AP4S1: variants seen among roughly 807,000 people sequenced by gnomAD.
AP4S1 encodes AP-4 complex subunit sigma-1.
A neutral mutation model predicts 19.8 loss-of-function variants in AP4S1; 23 were observed. That is an observed-to-expected ratio of 1.16 (90% confidence interval 0.84 to 1.65). The LOEUF (loss-of-function observed/expected upper bound fraction) is 1.65, where lower values mean the gene tolerates loss of function less well. Ranked by LOEUF, AP4S1 falls within the 40% of genes most tolerant of loss-of-function variation. AP4S1 has a pLI of 0.00. For missense variants in AP4S1, 166 were observed against 172.8 expected, an observed-to-expected ratio of 0.96 and a Z score of 0.22; for synonymous variants, 46 against 54.1, an observed-to-expected ratio of 0.85 and a Z score of 0.66.
chr14:31,048,369 T>TG (rs1411873555), intron 1 of AP4S1, among the ~76,000 whole-genome samples: 1 of 151,916 alleles, frequency 6.6e-6, no homozygotes, highest in African/African-American at 2.4e-5. Flanking sequence ...CCCAAAATGC[T>TG]GGGATTACAG....
chr14:31,046,120 A>G (rs926444009), intron 1 of AP4S1, among the ~76,000 whole-genome samples: 4 of 151,638 alleles, frequency 2.6e-5, no homozygotes, highest in Non-Finnish European at 5.9e-5. Context: ...ACCACGCCCA[A>G]CTAATTTTGT....
intron 1 of AP4S1, among the ~76,000 whole-genome samples, chr14:31,058,694 A>T (rs941081177): frequency 6.6e-6 from 1 of 150,566 alleles, no homozygotes; most frequent in African/African-American, 2.4e-5. Context: ...CAGCTTCCTA[A>T]GTAGCTGGGA....
intron 1 of AP4S1, among the ~76,000 whole-genome samples, chr14:31,052,728 C>CA (rs967926664): frequency 0.04 from 2,104 of 53,004 alleles, 35 homozygotes; most frequent in Middle Eastern, 0.052. Flanking sequence ...GACTCCCTCT[C>CA]AAAAAAAAAA....
chr14:31,073,438 C>G (rs1257874840), intron 4 of AP4S1, among the ~76,000 whole-genome samples: 1 of 139,458 alleles, frequency 7.2e-6, no homozygotes, highest in Non-Finnish European at 1.6e-5. Flanking sequence ...TGCAGTGAGC[C>G]GAGATCCCGC....
At chr14:31,033,998 T>C (rs1346543054) in intron 1 of AP4S1, among the ~76,000 whole-genome samples, 1 of 152,218 alleles carries the variant, frequency 6.6e-6, no homozygotes, top group Admixed American at 6.5e-5. Flanking sequence ...CTCCTGGACA[T>C]TGGCTAAGAA....
intron 1 of AP4S1, among the ~76,000 whole-genome samples, chr14:31,063,039 A>G (rs1393983532): frequency 6.6e-6 from 1 of 151,840 alleles, no homozygotes; most frequent in African/African-American, 2.4e-5. Context: ...GCTCATGCCT[A>G]TAATCCCAGC....
chr14:31,082,751 C>A (rs964147793), intron 5 of AP4S1, among the ~76,000 whole-genome samples: 1 of 152,092 alleles, frequency 6.6e-6, no homozygotes, highest in East Asian at 1.9e-4. Flanking sequence ...AAAAAATTAG[C>A]CGGGCGCGGT....
At chr14:31,092,598 C>G (rs1460723359) in intron 5 of AP4S1, among the ~76,000 whole-genome samples, 1 of 152,182 alleles carries the variant, frequency 6.6e-6, no homozygotes, top group Admixed American at 6.5e-5. Flanking sequence ...AGGTCATTCT[C>G]TTGCCACATG....
Position 31,046,941 on chromosome 14 carries a change from TG to T in AP4S1, c.-71-19183del, listed in dbSNP as rs201168525. Among the ~76,000 whole-genome samples, 1,442 of 152,284 alleles carry T rather than the reference TG, an allele frequency of 9.5e-3. 23 individuals are homozygous for T. The highest frequency in any genetic ancestry group is 0.033 in the African/African-American group (1,390 of 41,552). ...GAAACTGCCGATTTGTTTTCTAAAGTGGCTGTAGCATTTACATTCCCACCAG... is the reference window on the plus strand; with the variant it reads ...GAAACTGCCGATTTGTTTTCTAAAGTGCTGTAGCATTTACATTCCCACCAG... On this transcript the variant is annotated intron_variant, in intron 1 of 5. Transcript: ENST00000542754.
At chr14:31,061,987 C>G (rs1278078359) in intron 1 of AP4S1, among the ~76,000 whole-genome samples, 1 of 151,920 alleles carries the variant, frequency 6.6e-6, no homozygotes, top group Non-Finnish European at 1.5e-5. Context: ...GATCTATATG[C>G]CACATTTATT....
intron 4 of AP4S1, among the ~76,000 whole-genome samples, chr14:31,077,904 T>G (rs1373637585): frequency 6.6e-6 from 1 of 151,888 alleles, no homozygotes; most frequent in African/African-American, 2.4e-5. Flanking sequence ...CCCAGCTAAT[T>G]GTTGTATTTT....
chr14:31,026,396 C>A (rs904776023), intron 1 of AP4S1: 3 of 355,162 alleles, frequency 8.4e-6, no homozygotes, highest in Non-Finnish European at 1.5e-5. Flanking sequence ...CTCACTCACT[C>A]ACTTTAGGGG....
chr14:31,047,461 C>T (rs1413383961), intron 1 of AP4S1, among the ~76,000 whole-genome samples: 1 of 148,826 alleles, frequency 6.7e-6, no homozygotes, highest in African/African-American at 2.5e-5. Flanking sequence ...GATCTTGACT[C>T]ACTGCAAGCT....
chr14:31,038,151 TTGGATAACATTTGCC>T (rs1884885959), intron 1 of AP4S1, among the ~76,000 whole-genome samples: 1 of 152,212 alleles, frequency 6.6e-6, no homozygotes, highest in Non-Finnish European at 1.5e-5. Flanking sequence ...TAAACTTGGC[TTGGATAACATTTGCC>T]TGGTATGTTT....
rs142277476 is a variant in AP4S1, at chr14:31,069,422, T to C, written c.139-421T>C. Among the ~76,000 whole-genome samples, 70 of 152,344 alleles carry C rather than the reference T, an allele frequency of 4.6e-4. 1 individual carries two copies. The East Asian group carries it at 0.012, about 26-fold the overall frequency. ...CATGTATTTGGCTCCTCAATGACTATTAAATAGTACAAAACTGAGAATATC... is the reference window on the plus strand; with the variant it reads ...CATGTATTTGGCTCCTCAATGACTACTAAATAGTACAAAACTGAGAATATC... On this transcript the variant is annotated intron_variant, in intron 2 of 5. Coordinates refer to ENST00000542754, the MANE Select transcript of AP4S1 (RefSeq NM_001128126.3).
At chr14:31,088,922 C>T (rs954798336) in intron 5 of AP4S1, among the ~76,000 whole-genome samples, 3 of 151,578 alleles carry the variant, frequency 2.0e-5, no homozygotes, top group Admixed American at 6.6e-5. Context: ...TTTGTGAGGC[C>T]GAGAAAGGCA....
At chr14:31,041,828 C>A (rs906217650) in intron 1 of AP4S1, among the ~76,000 whole-genome samples, 3 of 151,908 alleles carry the variant, frequency 2.0e-5, no homozygotes, top group Non-Finnish European at 2.9e-5. Context: ...GTATTTAATT[C>A]CCTATTTTAA....
At chr14:31,083,129 G>C (rs553162436) in intron 5 of AP4S1, among the ~76,000 whole-genome samples, 4 of 152,162 alleles carry the variant, frequency 2.6e-5, no homozygotes, top group Non-Finnish European at 5.9e-5. Flanking sequence ...TAGAAATAAA[G>C]ATGGGTATAC....
intron 1 of AP4S1, among the ~76,000 whole-genome samples, chr14:31,058,596 C>T (rs1886263930): frequency 6.6e-6 from 1 of 150,882 alleles, no homozygotes; most frequent in South Asian, 2.1e-4. Context: ...GGATCTTGCT[C>T]TGTTGCCCAG....
Sources: allele counts gnomAD v4.1 joint callset (sites outside exome capture counted in the v4.1 genomes callset), GRCh38; gene constraint gnomAD v4.1.1; transcripts MANE v1.5; gene names NCBI Gene and HGNC (gene_info 2026-07-23, HGNC 2026-07-21).